The following CSMD1 variants were observed in gnomAD, a reference collection of about 807,000 sequenced individuals.
The protein encoded by CSMD1 is CUB and Sushi multiple domains 1.
In CSMD1, 213 loss-of-function variants were observed where a neutral mutation model predicts 417.5. The observed-to-expected ratio is 0.51, with a 90% CI of 0.46 to 0.57. The LOEUF is 0.57. CSMD1 is among the 20% of genes least tolerant of loss of function. The probability of loss-of-function intolerance (pLI) is 0.00; values close to 1 mark genes in which losing one functional copy is unlikely to be tolerated. For synonymous variants in CSMD1, 2,862 were observed against 1,736.8 expected (o/e 1.65, Z -16.11); for missense variants, 6,923 against 4,529.7 (o/e 1.53, Z -15.17).
intron 1 of CSMD1, among the ~76,000 whole-genome samples, chr8:4,891,462 A>G (rs1804117296): frequency 6.6e-6 from 1 of 152,140 alleles, no homozygotes; most frequent in African/African-American, 2.4e-5. Flanking sequence ...TAAGTTTACA[A>G]TGTTTTTCTT....
intron 3 of CSMD1, among the ~76,000 whole-genome samples, chr8:4,366,294 T>G (rs1802066612): frequency 1.3e-5 from 2 of 152,234 alleles, no homozygotes; most frequent in African/African-American, 4.8e-5. Flanking sequence ...TGTCTCACTT[T>G]GCATATGTAC....
intron 33 of CSMD1, among the ~76,000 whole-genome samples, chr8:3,190,997 G>A (rs1796387181): frequency 6.6e-6 from 1 of 152,144 alleles, no homozygotes; most frequent in African/African-American, 2.4e-5. Context: ...ACTGTTGAGT[G>A]GCTATAAAGT....
At chr8:3,800,508 A>C (rs1800396577) in intron 5 of CSMD1, among the ~76,000 whole-genome samples, 1 of 152,158 alleles carries the variant, frequency 6.6e-6, no homozygotes, top group African/African-American at 2.4e-5. Context: ...ACCTCACACC[A>C]TACAGAAAAA....
chr8:4,926,128 A>G (rs1806853333), intron 1 of CSMD1, among the ~76,000 whole-genome samples: 1 of 152,224 alleles, frequency 6.6e-6, no homozygotes, highest in African/African-American at 2.4e-5. Context: ...CAATGCCGAT[A>G]TTCATGAGGC....
At chr8:3,441,094 T>C (rs1441496223) in intron 12 of CSMD1, among the ~76,000 whole-genome samples, 1 of 151,980 alleles carries the variant, frequency 6.6e-6, no homozygotes. Context: ...GAGAAACATG[T>C]GATATGAAGA....
rs369092274 is a variant in CSMD1 at position 4,546,209 on chromosome 8, G to C, written c.302+91133C>G. ...GTTATATCTACGGGCCTTGGCCCTG[G>C]TCGCACAAGACCACAAGCCCCTGCT... On this transcript the variant is annotated intron_variant, in intron 2 of 69. Coordinates refer to ENST00000635120, the MANE Select transcript of CSMD1 (RefSeq NM_033225.6). Among the ~76,000 whole-genome samples, 8 of 152,310 alleles carry C rather than the reference G, an allele frequency of 5.3e-5. No homozygotes were observed. In the East Asian group the frequency reaches 1.5e-3, roughly 29 times the overall value.
intron 3 of CSMD1, among the ~76,000 whole-genome samples, chr8:4,359,736 C>T (rs894045058): frequency 6.6e-6 from 1 of 152,154 alleles, no homozygotes; most frequent in African/African-American, 2.4e-5. Context: ...GTGGCCTGGC[C>T]CACTTCTACA....
At chr8:3,892,767 G>C (rs971637328) in intron 5 of CSMD1, among the ~76,000 whole-genome samples, 1 of 135,478 alleles carries the variant, frequency 7.4e-6, no homozygotes, top group African/African-American at 2.8e-5. Context: ...GTTATTGCTA[G>C]CCATCGTAGG....
chr8:4,187,069 G>A (rs925061238), intron 3 of CSMD1, among the ~76,000 whole-genome samples: 3 of 152,082 alleles, frequency 2.0e-5, no homozygotes, highest in Non-Finnish European at 2.9e-5. Flanking sequence ...TGCTCAAATT[G>A]AAACAAACAT....
chr8:3,039,779 G>C (rs544595422), intron 50 of CSMD1, among the ~76,000 whole-genome samples: 1 of 152,266 alleles, frequency 6.6e-6, no homozygotes, highest in East Asian at 1.9e-4. Context: ...TTAAAACCCA[G>C]AGATTAGACT....
At chr8:3,509,772 T>G (rs985430687) in intron 10 of CSMD1, among the ~76,000 whole-genome samples, 1 of 152,202 alleles carries the variant, frequency 6.6e-6, no homozygotes, top group Non-Finnish European at 1.5e-5. Context: ...AGGGGTCTGC[T>G]TGATGCCTTC....
intron 18 of CSMD1, among the ~76,000 whole-genome samples, chr8:3,371,092 C>T (rs77242862): frequency 0.054 from 8,216 of 152,258 alleles, 274 homozygotes; most frequent in East Asian, 0.17. Flanking sequence ...CCAGAACATA[C>T]ATCTTCAGCT....
chr8:4,228,131 C>A (rs186774318), intron 3 of CSMD1, among the ~76,000 whole-genome samples: 1 of 152,174 alleles, frequency 6.6e-6, no homozygotes, highest in East Asian at 1.9e-4. Flanking sequence ...GGAGACATAC[C>A]CTCCATCCTG....
chr8:4,627,254 G>A (rs888872650), intron 2 of CSMD1, among the ~76,000 whole-genome samples: 3 of 152,064 alleles, frequency 2.0e-5, no homozygotes, highest in African/African-American at 7.2e-5. Flanking sequence ...TGGGCAGGAT[G>A]GGGGAAAGAA....
At chr8:3,074,711 T>A (rs1200005438) in intron 49 of CSMD1, among the ~76,000 whole-genome samples, 6 of 152,210 alleles carry the variant, frequency 3.9e-5, no homozygotes, top group African/African-American at 1.4e-4. Context: ...GTCATTGAAA[T>A]TGCAATAAAT....
intron 14 of CSMD1, among the ~76,000 whole-genome samples, chr8:3,407,411 GGATGGAAGGATGGATGGATA>G (rs1443987439): frequency 1.1e-4 from 16 of 147,852 alleles, no homozygotes; most frequent in African/African-American, 3.2e-4. Flanking sequence ...AAGGATGAAT[GGATGGAAGGATGGATGGATA>G]GATGGAAGGA....
intron 2 of CSMD1, among the ~76,000 whole-genome samples, chr8:4,488,166 G>T (rs1438072208): frequency 1.3e-5 from 2 of 152,138 alleles, no homozygotes; most frequent in Admixed American, 1.3e-4. Flanking sequence ...TCGACTTACA[G>T]CTTCCAGAAC....
chr8:2,973,453 C>T (rs945667234), intron 56 of CSMD1, among the ~76,000 whole-genome samples, 154 bp from the exon 57 acceptor site: 1 of 152,144 alleles, frequency 6.6e-6, no homozygotes, highest in Non-Finnish European at 1.5e-5. Context: ...GAAAGAATTT[C>T]TTTGTGATAG....
intron 11 of CSMD1, among the ~76,000 whole-genome samples, chr8:3,491,567 A>AG (rs1369619120): frequency 6.6e-6 from 1 of 152,170 alleles, no homozygotes; most frequent in Non-Finnish European, 1.5e-5. Flanking sequence ...GATAAGCTAG[A>AG]GGGAGGTGTT....
Sources: gnomAD v4.1 joint callset for allele counts (sites outside exome capture counted in the v4.1 genomes callset) on GRCh38, gnomAD v4.1.1 for gene constraint, MANE v1.5 for transcripts, NCBI Gene and HGNC (gene_info 2026-07-23, HGNC 2026-07-21) for gene names.